STOX2: variants seen among roughly 807,000 people sequenced by gnomAD.
STOX2 encodes storkhead box 2.
Under a neutral mutation model 60.9 loss-of-function variants are expected in STOX2, and 28 were observed. The observed-to-expected ratio is 0.46, with a 90% CI of 0.34 to 0.63. The LOEUF is 0.63. STOX2 is among the 30% of genes least tolerant of loss of function. The pLI is 0.01. For missense variants in STOX2, 1,024 were observed against 1,187.7 expected, an observed-to-expected ratio of 0.86 and a Z score of 2.03; for synonymous variants, 472 against 463.9, an observed-to-expected ratio of 1.02 and a Z score of -0.22.
At chr4:183,969,209 C>T (rs753945265) in intron 1 of STOX2, among the ~76,000 whole-genome samples, 2 of 152,074 alleles carry the variant, frequency 1.3e-5, no homozygotes, top group African/African-American at 4.8e-5. Context: ...CATCAGTGTA[C>T]GTGTTACATG....
chr4:183,903,136 C>T (rs1188840536), upstream of STOX2, among the ~76,000 whole-genome samples: 1 of 152,200 alleles, frequency 6.6e-6, no homozygotes, highest in African/African-American at 2.4e-5. Flanking sequence ...GATCCAAACT[C>T]TTCAACGGCT....
chr4:183,827,509 T>TAA (rs375186608), intron 1 of STOX2, among the ~76,000 whole-genome samples: 4,322 of 151,042 alleles, frequency 0.029, 173 homozygotes, highest in African/African-American at 0.099. Context: ...AAAATAAAAA[T>TAA]AAAAAAACAA....
At chr4:183,818,056 C>T (rs553264172) in intron 1 of STOX2, among the ~76,000 whole-genome samples, 17 of 151,192 alleles carry the variant, frequency 1.1e-4, no homozygotes, top group East Asian at 9.7e-4. Flanking sequence ...TGTTTCAAGG[C>T]GACTATAAAT....
At chr4:183,927,968 T>C in intron 1 of STOX2, among the ~76,000 whole-genome samples, 1 of 152,144 alleles carries the variant, frequency 6.6e-6, no homozygotes, top group South Asian at 2.1e-4. Context: ...TGTGGTCGGA[T>C]GGTCTTGCAG....
chr4:183,875,250 C>T (rs1455562045), intron 1 of STOX2, among the ~76,000 whole-genome samples: 1 of 152,012 alleles, frequency 6.6e-6, no homozygotes, highest in East Asian at 1.9e-4. Context: ...TCTTTATTCT[C>T]TTAAAATAAG....
Position 184,001,600 on chromosome 4 carries a change from C to T in STOX2, c.319+123C>T, listed in dbSNP as rs1046873090. 12 of 893,610 alleles carry T rather than the reference C, an allele frequency of 1.3e-5. No individual in the cohort carries two copies. The highest frequency in any genetic ancestry group is 2.9e-5 in the South Asian group (1 of 34,542). 55.4% of individuals were successfully genotyped at this position (893,610 alleles called of 1,614,324 possible). On this transcript the variant is annotated intron_variant, in intron 2 of 3. Transcript: ENST00000308497. This position sits in a 1 kb window ranked among gnomAD's most constrained non-coding sequence, Gnocchi z 4.2. ...AAAACATTCTTCCCCAAAACTGACC[C>T]GAAGCTTTCCTTACTTCTGTAATTA... is the stretch of plus-strand genomic sequence containing the variant.
At chr4:183,990,940 GAAGA>G (rs1443248688) in intron 1 of STOX2, among the ~76,000 whole-genome samples, 1 of 152,066 alleles carries the variant, frequency 6.6e-6, no homozygotes, top group Non-Finnish European at 1.5e-5. Flanking sequence ...ATTTTCCTTA[GAAGA>G]AAGAGCCAGA....
In STOX2 at chr4:183,963,584, A is replaced by G. The variant is rs184403348; in HGVS notation, c.167-37741A>G. Among the ~76,000 whole-genome samples the G allele has an allele frequency of 2.3e-4, 35 of 150,262 alleles. 1 individual carries two copies. The East Asian group carries it at 6.9e-3, about 30-fold the overall frequency. On this transcript the variant is annotated intron_variant, in intron 1 of 3. Transcript: ENST00000308497. ...TGGGATTATAGGTGCCCGCCACCACACCCGGCTAATTTTTGTATTTTAGTA... is the reference window on the plus strand; with the variant it reads ...TGGGATTATAGGTGCCCGCCACCACGCCCGGCTAATTTTTGTATTTTAGTA...
intron 1 of STOX2, chr4:183,988,448 G>A (rs1238717768): frequency 6.6e-6 from 1 of 151,810 alleles, no homozygotes; most frequent in Non-Finnish European, 1.5e-5. Flanking sequence ...TCCTCAAAAC[G>A]TTACCAGCAA....
At chr4:183,833,431 AAAG>A (rs1739619917) in intron 1 of STOX2, among the ~76,000 whole-genome samples, 1 of 152,132 alleles carries the variant, frequency 6.6e-6, no homozygotes, top group Admixed American at 6.5e-5. Flanking sequence ...TCCCCACATA[AAAG>A]ATCAAACATT....
intron 1 of STOX2, among the ~76,000 whole-genome samples, chr4:183,816,776 A>C (rs566058702): frequency 1.3e-5 from 2 of 152,368 alleles, no homozygotes; most frequent in African/African-American, 4.8e-5. Flanking sequence ...AAGCTGTGAA[A>C]ATTTTATATT....
At chr4:184,007,020 A>G (rs1256117804) in intron 2 of STOX2, among the ~76,000 whole-genome samples, 1 of 123,894 alleles carries the variant, frequency 8.1e-6, no homozygotes, top group Non-Finnish European at 1.6e-5. Context: ...TGTCTCAAAA[A>G]AAAAAAAAAA....
Position 184,001,491 on chromosome 4 carries a change from AACG to A in STOX2, c.319+15_319+17del. ...CGTGCTTCCCAGGTAACGAGGCGGG[AACG>A]TAGCACTTTCCAGGTGGCGGTGTGC... On this transcript the variant is annotated intron_variant, in intron 2 of 3. Transcript: ENST00000308497. The surrounding 1 kb of genome is among the most constrained non-coding windows in gnomAD (Gnocchi z 4.2). 6.2e-7 allele frequency: 1 copy of A among 1,613,084 alleles called. No homozygotes were observed. Among genetic ancestry groups the A allele is most frequent in the South Asian group, 1.1e-5 (1 of 90,968 alleles).
Position 183,965,468 on chromosome 4 carries a change from C to G in STOX2, c.167-35857C>G, listed in dbSNP as rs554675047. 6.6e-5 allele frequency among the ~76,000 whole-genome samples: 10 copies of G among 152,144 alleles called. No individual in the cohort carries two copies. The East Asian group carries it at 1.9e-3, about 29-fold the overall frequency. On this transcript the variant is annotated intron_variant, in intron 1 of 3. Coordinates refer to ENST00000308497, the MANE Select transcript of STOX2 (RefSeq NM_020225.3). ...CTGTTCACTTTAATGGGATATCTTT[C>G]CTGAAGGGATAAGATAAAATTGTTT...
At chr4:183,999,108 A>AG (rs574798209) in intron 1 of STOX2, among the ~76,000 whole-genome samples, 235 of 152,326 alleles carry the variant, frequency 1.5e-3, no homozygotes, top group African/African-American at 5.4e-3. Flanking sequence ...CTTTTTTTGT[A>AG]GGAAAAAAAA....
intron 1 of STOX2, among the ~76,000 whole-genome samples, chr4:183,997,977 A>G (rs1224428640): frequency 6.6e-6 from 1 of 152,266 alleles, no homozygotes; most frequent in Non-Finnish European, 1.5e-5. Flanking sequence ...TGTTTCAGCT[A>G]AACCCATAAG....
intron 1 of STOX2, among the ~76,000 whole-genome samples, chr4:183,844,221 T>G (rs1279539625): frequency 1.3e-5 from 2 of 152,174 alleles, no homozygotes; most frequent in Non-Finnish European, 2.9e-5. Flanking sequence ...AACACTGTCT[T>G]GGAGAGTTCC....
In STOX2 at chr4:184,010,171, G is replaced by C; in HGVS notation, c.1333G>C (p.Glu445Gln). ...PMTPEWDVSGELAKRRTEMPF... is the reference protein window; with the variant it reads ...PMTPEWDVSGQLAKRRTEMPF... ...GACACCAGAATGGGATGTGTCTGGT[G>C]AATTGGCTAAAAGGAGAACTGAGAT... The change falls in exon 3 of 4, where the codon GAA becomes CAA. Residue 445 changes from glutamate (E) to glutamine (Q), a missense_variant. Physicochemically the swap from Glu to Gln is conservative, Grantham distance 29. Transcript: ENST00000308497. The surrounding 1 kb of genome is among the most constrained non-coding windows in gnomAD (Gnocchi z 4.5). 1 of 1,557,514 alleles carries C rather than the reference G, an allele frequency of 6.4e-7. No individual in the cohort carries two copies. Among genetic ancestry groups the C allele is most frequent in the Non-Finnish European group, 8.7e-7 (1 of 1,150,132 alleles).
At chr4:183,848,808 G>T (rs768824772) in intron 1 of STOX2, among the ~76,000 whole-genome samples, 9 of 152,226 alleles carry the variant, frequency 5.9e-5, no homozygotes, top group Non-Finnish European at 1.2e-4. Context: ...GTTAAAACCA[G>T]AAATGTCAAC....
Sources: gnomAD v4.1 joint callset for allele counts (sites outside exome capture counted in the v4.1 genomes callset) on GRCh38, gnomAD v4.1.1 for gene constraint, Gnocchi (gnomAD v3.1) non-coding constraint, MANE v1.5 for transcripts, NCBI Gene and HGNC (gene_info 2026-07-23, HGNC 2026-07-21) for gene names.